Variants in SIX5 observed in about 807,000 individuals in gnomAD.
SIX5 encodes homeobox protein SIX5.
A neutral mutation model predicts 37.1 loss-of-function variants in SIX5; 21 were observed. That is an observed-to-expected ratio of 0.57 (90% confidence interval 0.40 to 0.81). SIX5 has a LOEUF of 0.81. SIX5 is among the 40% of genes least tolerant of loss of function. The pLI is 0.00. For missense variants in SIX5, 1,137 were observed against 1,025.1 expected (o/e 1.11, Z -1.49); for synonymous variants, 626 against 505.9 (o/e 1.24, Z -3.19).
rs780504748 is a variant in SIX5 at position 45,768,409 on chromosome 19, G to A, written c.436C>T (p.Leu146=). The change falls in exon 1 of 3, where the codon CTA becomes TTA. Residue 146 remains leucine, a synonymous_variant. Transcript: ENST00000317578. The stretch of plus-strand genomic sequence containing the variant: ...GCGGGGAAGGGGCGGCTCTCGAGTA[G>A]CCGGTAGAGCTCGGCGTACTCGCCC... ...QRGEYAELYR[L]LESRPFPAAH... 3 of 1,557,514 alleles carry A rather than the reference G, an allele frequency of 1.9e-6. No homozygotes were observed. The Admixed American group carries it at 5.6e-5, about 29-fold the overall frequency.
In SIX5 at chr19:45,766,490, G is replaced by A. The variant is rs1217343343; in HGVS notation, c.1469C>T (p.Ala490Val). The A allele has an allele frequency of 6.6e-7, 1 of 1,517,692 alleles. No individual in the cohort carries two copies. Among genetic ancestry groups the A allele is most frequent in the African/African-American group, 1.4e-5 (1 of 72,530 alleles). The allele number at this position is 1,517,692 out of a possible 1,614,324, so 94.0% of individuals were successfully genotyped here. The change falls in exon 2 of 3, where the codon GCT becomes GTT. Residue 490 changes from alanine to valine, a missense_variant. Ala to Val is a moderately conservative substitution (Grantham distance 64, BLOSUM62 0). Transcript: ENST00000317578. ...TGCCAACAGCTGCAGGGGCCCCACA[G>A]CCTGGGGCAGGGTCACCACCTGTGA... The part of the protein sequence containing the change: ...PTSQVVTLPQ[A>V]VGPLQLLAAG...
chr19:45,766,563 G>A lies in SIX5; in HGVS notation c.1396C>T (p.Leu466=), dbSNP rs34132142. ...LSPPPGYPTG[L]SPTSPLLNLP... Reference sequence around the variant, plus strand: ...TTCAATAGTGGGGAGGTGGGGCTCAGGCCCGTGGGATACCCCGGGGGTGGG... The same window carrying A: ...TTCAATAGTGGGGAGGTGGGGCTCAAGCCCGTGGGATACCCCGGGGGTGGG... The change falls in exon 2 of 3, where the codon CTG becomes TTG. Residue 466 remains leucine (L), a synonymous_variant. Coordinates refer to ENST00000317578, the MANE Select transcript of SIX5 (RefSeq NM_175875.5). 6.8e-7 allele frequency: 1 copy of A among 1,477,034 alleles called. No homozygotes were observed. The highest frequency in any genetic ancestry group is 1.4e-5 in the South Asian group (1 of 73,400). 91.5% of individuals were successfully genotyped at this position (1,477,034 alleles called of 1,614,324 possible).
Position 45,765,375 on chromosome 19 carries a change from G to T in SIX5, c.*126C>A, listed in dbSNP as rs1969047227. The stretch of plus-strand genomic sequence containing the variant: ...CCCAGCACCACCAGGGCTTGGAGAG[G>T]CCACCCAGGCAGAAGGATGTGGTGA... On this transcript the variant is annotated 3_prime_UTR_variant, in exon 3 of 3. Transcript: ENST00000317578. 1.4e-6 allele frequency: 2 copies of T among 1,407,312 alleles called. No homozygotes were observed. Among genetic ancestry groups the T allele is most frequent in the Non-Finnish European group, 1.0e-6 (1 of 1,003,526 alleles). 87.2% of individuals were successfully genotyped at this position (1,407,312 alleles called of 1,614,324 possible).
rs769060631 is a variant in SIX5 at position 45,767,006 on chromosome 19, G to A, written c.953C>T (p.Ser318Phe). ...GCTCCCGTTCACCAGGATGGAGGAG[G>A]AAGCCGGGCAAGGCGCGGGAGGGCC... is the stretch of plus-strand genomic sequence containing the variant. The part of the protein sequence containing the change: ...GTGPPAPCPA[S>F]SSILVNGSFL... Residue 318 changes from serine (S) to phenylalanine (F), a missense_variant, in exon 2 of 3, where the codon TCC becomes TTC. By Grantham distance (155) the Ser-to-Phe change is radical. Transcript: ENST00000317578. The A allele has an allele frequency of 8.7e-6, 14 of 1,606,952 alleles. No individual in the cohort carries two copies. The highest frequency in any genetic ancestry group is 2.2e-5 in the East Asian group (1 of 44,718).
At position 45,766,634 on chromosome 19, in the gene SIX5, G is replaced by A. The variant is rs558569848; in HGVS notation, c.1325C>T (p.Pro442Leu). 2.0e-5 allele frequency: 29 copies of A among 1,474,666 alleles called. No individual in the cohort carries two copies. The highest frequency in any genetic ancestry group is 3.6e-4 in the Middle Eastern group (2 of 5,590). 91.3% of individuals were successfully genotyped at this position (1,474,666 alleles called of 1,614,324 possible). ...PPTAATFPLP[P>L]GPVPAVAAPQ... ...GGCAGCCACAGCAGGCACTGGCCCC[G>A]GGGGCAGAGGAAAGGTGGCAGCCGT... is the stretch of plus-strand genomic sequence containing the variant. Residue 442 changes from proline (P) to leucine (L), a missense_variant, in exon 2 of 3, where the codon CCG becomes CTG. By Grantham distance (98) the Pro-to-Leu change is moderately conservative (BLOSUM62 -3). Around this residue, in one of 3 missense-constraint regions of SIX5, gnomAD observed 787 missense variants for 621.4 expected, o/e 1.27. Coordinates refer to ENST00000317578, the MANE Select transcript of SIX5 (RefSeq NM_175875.5).
intron 1 of SIX5, among the ~76,000 whole-genome samples, chr19:45,767,574 G>A (rs1007644108): frequency 2.0e-5 from 3 of 152,202 alleles, no homozygotes; most frequent in African/African-American, 7.2e-5. Context: ...GGGTTACAGG[G>A]AAACCGGAGC....
intron 1 of SIX5, chr19:45,767,720 G>C: frequency 1.4e-5 from 6 of 440,424 alleles, no homozygotes; most frequent in Non-Finnish European, 2.4e-5. Flanking sequence ...TACGCGGAGT[G>C]GAGTGGCCAC....
At chr19:45,766,153 A>C (rs1215153324) in intron 2 of SIX5, 42 bp from the exon 3 acceptor site, 2 of 1,593,262 alleles carry the variant, frequency 1.3e-6, no homozygotes, top group Non-Finnish European at 1.7e-6. Context: ...GAGCCAGGAG[A>C]GCAGGCCAAG....
chr19:45,766,451 C>G lies in SIX5; in HGVS notation c.1508G>C (p.Ser503Thr), dbSNP rs1969076015. ...PLQLLAAGPG[S>T]PVKVAAAAGP... is the part of the protein sequence containing the mutation. ...TGCTGCAGCTGCCACCTTCACAGGG[C>G]TGCCTGGCCCGGCTGCCAACAGCTG... The change falls in exon 2 of 3, where the codon AGC becomes ACC. Residue 503 changes from serine to threonine, a missense_variant. Around this residue, in one of 3 missense-constraint regions of SIX5, gnomAD observed 787 missense variants for 621.4 expected, o/e 1.27. Coordinates refer to ENST00000317578, the MANE Select transcript of SIX5 (RefSeq NM_175875.5). 6.5e-7 allele frequency: 1 copy of G among 1,544,888 alleles called. No homozygotes were observed.
rs7257515 is a variant in SIX5 at position 45,765,456 on chromosome 19, C to T, written c.*45G>A. 8,130 of 1,612,082 alleles carry T rather than the reference C, an allele frequency of 5.0e-3. 383 individuals are homozygous for T. The African/African-American group carries it at 0.096, about 19-fold the overall frequency. ...CTCCCCCCTCCCATTCCTGTCCCTGCGTCTTCAGCACCAATGTCGGGAGAG... is the reference window on the plus strand; with the variant it reads ...CTCCCCCCTCCCATTCCTGTCCCTGTGTCTTCAGCACCAATGTCGGGAGAG... On this transcript the variant is annotated 3_prime_UTR_variant, in exon 3 of 3. Transcript: ENST00000317578.
Position 45,768,748 on chromosome 19 carries a change from G to T in SIX5, c.97C>A (p.Arg33Ser). 6.6e-7 allele frequency: 1 copy of T among 1,518,562 alleles called. No homozygotes were observed. Among genetic ancestry groups the T allele is most frequent in the Admixed American group, 2.0e-5 (1 of 49,494 alleles). The allele number at this position is 1,518,562 out of a possible 1,614,324, so 94.1% of individuals were successfully genotyped here. Residue 33 changes from arginine (R) to serine (S), a missense_variant, in exon 1 of 3, where the codon CGC (arginine) becomes AGC (serine). Around this residue, in one of 3 missense-constraint regions of SIX5, gnomAD observed 331 missense variants for 360.9 expected, o/e 0.92. Coordinates refer to ENST00000317578, the MANE Select transcript of SIX5 (RefSeq NM_175875.5). ...GCCTGCAAAGTCTGCAAGAGCTGGC[G>T]CGCTTCCTCCTCCTCCTCTTCGGTC... Reference protein sequence around the residue: ...AATEEEEEEARQLLQTLQAAE... With the variant: ...AATEEEEEEASQLLQTLQAAE...
intron 1 of SIX5, chr19:45,767,674 AC>A (rs1422040061): frequency 2.9e-6 from 1 of 339,164 alleles, no homozygotes; most frequent in Non-Finnish European, 5.4e-6. Flanking sequence ...GGTAAGAGTA[AC>A]GGTCAGTGAA....
In SIX5 at chr19:45,766,031, T is replaced by C. The variant is rs755382476; in HGVS notation, c.1690A>G (p.Thr564Ala). ...VALQQGKIIL[T>A]ATFPTSMLVS... ...AGCATGCTGGTGGGGAAGGTGGCGGTGAGGATGATCTTGCCCTGCTGCAGG... is the reference window on the plus strand; with the variant it reads ...AGCATGCTGGTGGGGAAGGTGGCGGCGAGGATGATCTTGCCCTGCTGCAGG... The change falls in exon 3 of 3, where the codon ACC (threonine) becomes GCC (alanine). Residue 564 changes from threonine to alanine, a missense_variant. Thr to Ala is a moderately conservative substitution (Grantham distance 58). This residue lies in a region of SIX5 where 787 missense variants were observed against 621.4 expected (regional missense o/e 1.27). Transcript: ENST00000317578. The C allele has an allele frequency of 1.2e-6, 2 of 1,610,216 alleles. No homozygotes were observed. The highest frequency in any genetic ancestry group is 2.2e-5 in the South Asian group (2 of 90,556).
chr19:45,768,052 G>A lies in SIX5; in HGVS notation c.793C>T (p.Pro265Ser), dbSNP rs1260850612. ...RDRTGAGGGA[P>S]CKSESDGNPT... is the part of the protein sequence containing the mutation. ...CCCGAGGCCCCTCACCTCTTGCAGG[G>A]CGCGCCGCCTCCGGCCCCGGTCCGG... is the stretch of plus-strand genomic sequence containing the variant. The change falls in exon 1 of 3, where the codon CCC (proline) becomes TCC (serine). Residue 265 changes from proline to serine, a missense_variant. Coordinates refer to ENST00000317578, the MANE Select transcript of SIX5 (RefSeq NM_175875.5). The A allele has an allele frequency of 6.3e-7, 1 of 1,595,826 alleles. No homozygotes were observed. The highest frequency in any genetic ancestry group is 8.5e-7 in the Non-Finnish European group (1 of 1,178,140).
intron 2 of SIX5, 47 bp from the exon 3 acceptor site, chr19:45,766,158 G>A (rs377372929): frequency 3.8e-5 from 60 of 1,589,374 alleles, no homozygotes; most frequent in Admixed American, 1.1e-4. Flanking sequence ...AGGAGAGCAG[G>A]CCAAGCCAGA....
Position 45,767,057 on chromosome 19 carries a change from T to A in SIX5, c.902A>T (p.Gln301Leu), listed in dbSNP as rs530286214. Residue 301 changes from glutamine (Q) to leucine (L), a missense_variant, in exon 2 of 3, where the codon CAG (glutamine) becomes CTG (leucine). By Grantham distance (113) the Gln-to-Leu change is moderately radical. This residue lies in a region of SIX5 where 787 missense variants were observed against 621.4 expected (regional missense o/e 1.27). Coordinates refer to ENST00000317578, the MANE Select transcript of SIX5 (RefSeq NM_175875.5). ...GGTCCCTGCCAGGAATATGGAGCCC[T>A]GGGCAGCGGCCTCGGCGGACACTGG... ...AAPVSAEAAAQGSIFLAGTGP... is the reference protein window; with the variant it reads ...AAPVSAEAAALGSIFLAGTGP... The A allele has an allele frequency of 6.2e-7, 1 of 1,609,050 alleles. No homozygotes were observed. Among genetic ancestry groups the A allele is most frequent in the Admixed American group, 1.7e-5 (1 of 59,928 alleles).
Position 45,768,346 on chromosome 19 carries a change from C to A in SIX5, c.499G>T (p.Ala167Ser). The change falls in exon 1 of 3, where the codon GCG becomes TCG. Residue 167 changes from alanine (A) to serine (S), a missense_variant. Ala to Ser is a moderately conservative substitution (Grantham distance 99). Coordinates refer to ENST00000317578, the MANE Select transcript of SIX5 (RefSeq NM_175875.5). ...HAFLQDLYLR[A>S]RYHEAERARG... ...GCCCGCTCGGCCTCATGGTAGCGCG[C>A]GCGCAGGTAGAGGTCCTGCAGGAAG... 1 of 1,600,508 alleles carries A rather than the reference C, an allele frequency of 6.2e-7. No individual in the cohort carries two copies. Among genetic ancestry groups the A allele is most frequent in the East Asian group, 2.2e-5 (1 of 44,452 alleles).
chr19:45,765,433 C>A lies in SIX5; in HGVS notation c.*68G>T. On this transcript the variant is annotated 3_prime_UTR_variant, in exon 3 of 3. Transcript: ENST00000317578. The stretch of plus-strand genomic sequence containing the variant: ...CTTCAGCAACCGCATTTCTGGGGCT[C>A]CCCCCTCCCATTCCTGTCCCTGCGT... 6.2e-7 allele frequency: 1 copy of A among 1,605,548 alleles called. No individual in the cohort carries two copies. Among genetic ancestry groups the A allele is most frequent in the Non-Finnish European group, 8.5e-7 (1 of 1,176,084 alleles).
Position 45,765,513 on chromosome 19 carries a change from G to A in SIX5, c.2208C>T (p.Pro736=), listed in dbSNP as rs759048289. 6.2e-7 allele frequency: 1 copy of A among 1,613,426 alleles called. No homozygotes were observed. Among genetic ancestry groups the A allele is most frequent in the South Asian group, 1.1e-5 (1 of 91,082 alleles). ...TQLQSVPVEE[P]LEL Reference sequence around the variant, plus strand: ...GGGCCACACTGGGTCACAGTTCCAAGGGCTCCTCCACAGGCACCGACTGGA... The same window carrying A: ...GGGCCACACTGGGTCACAGTTCCAAAGGCTCCTCCACAGGCACCGACTGGA... Residue 736 remains proline (P), a synonymous_variant, in exon 3 of 3, where the codon CCC becomes CCT. Coordinates refer to ENST00000317578, the MANE Select transcript of SIX5 (RefSeq NM_175875.5).
Sources: gnomAD v4.1 joint callset for allele counts (sites outside exome capture counted in the v4.1 genomes callset) on GRCh38, gnomAD v4.1.1 for gene constraint, gnomAD v4.1.1 regional missense constraint, MANE v1.5 for transcripts, NCBI Gene and HGNC (gene_info 2026-07-23, HGNC 2026-07-21) for gene names.